Variants in FNIP1 observed in about 807,000 individuals in gnomAD.
FNIP1 encodes folliculin-interacting protein 1.
A neutral mutation model predicts 124.5 loss-of-function variants in FNIP1; 40 were observed. The ratio of observed to expected loss-of-function variants is 0.32; its 90% CI spans 0.25 to 0.42. The LOEUF (loss-of-function observed/expected upper bound fraction) is 0.42. FNIP1 is among the 10% of genes least tolerant of loss of function. The pLI is 1.00. For missense variants in FNIP1, 1,176 were observed against 1,403.7 expected (o/e 0.84, Z 2.59); for synonymous variants, 472 against 470.6 (o/e 1.00, Z -0.04).
At chr5:131,719,473 CAT>C in intron 3 of FNIP1, 56 bp from the exon 4 acceptor site, 7 of 1,465,456 alleles carry the variant, frequency 4.8e-6, no homozygotes, top group Non-Finnish European at 5.6e-6. Flanking sequence ...ATGACTATTT[CAT>C]ATGTTGATTT....
intron 1 of FNIP1, among the ~76,000 whole-genome samples, chr5:131,761,420 G>T (rs1343271405): frequency 6.6e-6 from 1 of 152,166 alleles, no homozygotes. Context: ...ATTCAGTACA[G>T]TTGCAGGATA....
intron 1 of FNIP1, among the ~76,000 whole-genome samples, chr5:131,755,270 A>T (rs1386362023): frequency 6.6e-6 from 1 of 151,892 alleles, no homozygotes; most frequent in East Asian, 1.9e-4. Flanking sequence ...AAAATACAAA[A>T]ATTAGCCGGG....
chr5:131,743,724 C>T (rs1770585162), intron 2 of FNIP1, among the ~76,000 whole-genome samples: 1 of 152,100 alleles, frequency 6.6e-6, no homozygotes, highest in Non-Finnish European at 1.5e-5. Context: ...GTTCTCTTGC[C>T]TTCTTTCCAC....
intron 1 of FNIP1, among the ~76,000 whole-genome samples, chr5:131,754,015 T>C (rs969031068): frequency 5.9e-5 from 9 of 152,310 alleles, no homozygotes; most frequent in South Asian, 2.1e-4. Context: ...GGTTTCACCA[T>C]GTTGGCCAGG....
At chr5:131,645,128 T>C (rs1395607030) in intron 17 of FNIP1, among the ~76,000 whole-genome samples, 1 of 151,918 alleles carries the variant, frequency 6.6e-6, no homozygotes, top group Admixed American at 6.6e-5. Context: ...AAGACCAACC[T>C]AAGCAAGATA....
At chr5:131,715,520 A>T (rs1769438222) in intron 6 of FNIP1, among the ~76,000 whole-genome samples, 1 of 152,128 alleles carries the variant, frequency 6.6e-6, no homozygotes, top group Non-Finnish European at 1.5e-5. Context: ...ACCCATAATT[A>T]CTTTCAACTT....
chr5:131,786,471 T>C (rs539813559), intron 1 of FNIP1, among the ~76,000 whole-genome samples: 2 of 152,276 alleles, frequency 1.3e-5, no homozygotes, highest in Non-Finnish European at 2.9e-5. Flanking sequence ...ATGAAACAGA[T>C]TATTCTCAAG....
At chr5:131,745,707 C>A (rs1384980400) in intron 1 of FNIP1, among the ~76,000 whole-genome samples, 1 of 151,956 alleles carries the variant, frequency 6.6e-6, no homozygotes, top group Non-Finnish European at 1.5e-5. Context: ...AAATTTATCA[C>A]AATGAATGAA....
At chr5:131,675,910 G>A (rs1033122708) in intron 13 of FNIP1, among the ~76,000 whole-genome samples, 11 of 152,070 alleles carry the variant, frequency 7.2e-5, no homozygotes, top group African/African-American at 2.4e-4. Flanking sequence ...CCCAGGCTAC[G>A]GTGCAGTGGC....
chr5:131,768,781 A>C (rs1354224557), intron 1 of FNIP1, among the ~76,000 whole-genome samples: 1 of 152,214 alleles, frequency 6.6e-6, no homozygotes. Flanking sequence ...CGTGGGCGAG[A>C]GAGCAAGACT....
chr5:131,658,382 C>A (rs1767274715), intron 15 of FNIP1, among the ~76,000 whole-genome samples: 1 of 152,046 alleles, frequency 6.6e-6, no homozygotes, highest in Non-Finnish European at 1.5e-5. Flanking sequence ...CTTAATTATT[C>A]CTGGGGTATG....
At chr5:131,739,356 T>C (rs141868468) in intron 2 of FNIP1, among the ~76,000 whole-genome samples, 1 of 152,238 alleles carries the variant, frequency 6.6e-6, no homozygotes, top group East Asian at 1.9e-4. Flanking sequence ...TAATAGTAAG[T>C]AGTAACAGTA....
intron 15 of FNIP1, among the ~76,000 whole-genome samples, chr5:131,662,490 G>C (rs1767469526): frequency 6.6e-6 from 1 of 152,168 alleles, no homozygotes; most frequent in African/African-American, 2.4e-5. Context: ...GCTTGAAAAT[G>C]CTCTAGACTC....
intron 16 of FNIP1, among the ~76,000 whole-genome samples, chr5:131,648,560 A>G (rs2149502414): frequency 6.6e-6 from 1 of 152,260 alleles, no homozygotes; most frequent in Admixed American, 6.5e-5. Context: ...TTTATAGTGT[A>G]TGTTTTTTCA....
At chr5:131,792,707 C>T (rs752625005) in intron 1 of FNIP1, among the ~76,000 whole-genome samples, 101 of 152,196 alleles carry the variant, frequency 6.6e-4, no homozygotes, top group Non-Finnish European at 1.2e-3. Context: ...ATGCAGTCGA[C>T]ACTTTGTGCA....
At chr5:131,773,149 G>T (rs1241420768) in intron 1 of FNIP1, among the ~76,000 whole-genome samples, 1 of 152,004 alleles carries the variant, frequency 6.6e-6, no homozygotes, top group Admixed American at 6.6e-5. Context: ...ACTAAATTTA[G>T]AATACAGCTC....
At chr5:131,646,542 A>G (rs376191596) in intron 17 of FNIP1, among the ~76,000 whole-genome samples, 1 of 152,368 alleles carries the variant, frequency 6.6e-6, no homozygotes, top group East Asian at 1.9e-4. Flanking sequence ...GCCAGAGAAC[A>G]CAAGAAAAGT....
At chr5:131,755,625 G>A (rs1049732265) in intron 1 of FNIP1, among the ~76,000 whole-genome samples, 18 of 152,018 alleles carry the variant, frequency 1.2e-4, no homozygotes, top group Non-Finnish European at 2.5e-4. Flanking sequence ...TAAGAACAGA[G>A]AGAAGAAAAG....
At chr5:131,777,638 C>A (rs1490816755) in intron 1 of FNIP1, among the ~76,000 whole-genome samples, 2 of 152,156 alleles carry the variant, frequency 1.3e-5, no homozygotes, top group African/African-American at 4.8e-5. Context: ...TGCTAGAACA[C>A]TGAATCATTA....
Sources: gnomAD v4.1 joint callset for allele counts (sites outside exome capture counted in the v4.1 genomes callset) on GRCh38, gnomAD v4.1.1 for gene constraint, MANE v1.5 for transcripts, NCBI Gene and HGNC (gene_info 2026-07-23, HGNC 2026-07-21) for gene names.